Variants in RNF214 observed in about 807,000 individuals in gnomAD.
The protein encoded by RNF214 is ring finger protein 214.
A neutral mutation model predicts 75.9 loss-of-function variants in RNF214; 25 were observed. The observed-to-expected ratio is 0.33, with a 90% confidence interval of 0.24 to 0.46. RNF214 has a LOEUF of 0.46. Ranked by LOEUF, RNF214 falls within the 20% of genes least tolerant of loss-of-function variation. RNF214 has a pLI of 1.00. For synonymous variants in RNF214, 314 were observed against 308.8 expected (o/e 1.02, Z -0.18); for missense variants, 725 against 857.5 (o/e 0.85, Z 1.93).
At chr11:117,262,291 G>T (rs549217066) in intron 6 of RNF214, among the ~76,000 whole-genome samples, 164 of 152,122 alleles carry the variant, frequency 1.1e-3, no homozygotes, top group African/African-American at 3.0e-3. Flanking sequence ...GTTTCACCAT[G>T]TTGGCCAGGA....
rs564361697 is a variant in RNF214, at chr11:117,272,093, A to G, written c.960-7815A>G. The stretch of plus-strand genomic sequence containing the variant: ...CCTTCCAAAGTGCTGGTAGCCAGGC[A>G]TGGTGGTATATGCCTGTAGCTACTT... On this transcript the variant is annotated intron_variant, in intron 6 of 14. Coordinates refer to ENST00000300650, the MANE Select transcript of RNF214 (RefSeq NM_207343.4). Among the ~76,000 whole-genome samples, 12 of 152,294 alleles carry G rather than the reference A, an allele frequency of 7.9e-5. No individual in the cohort carries two copies. The South Asian group carries it at 2.3e-3, about 29-fold the overall frequency.
intron 6 of RNF214, among the ~76,000 whole-genome samples, chr11:117,255,318 T>C (rs1348314299): frequency 6.6e-6 from 1 of 152,258 alleles, no homozygotes; most frequent in East Asian, 1.9e-4. Flanking sequence ...TGCATCCCAC[T>C]CCCTTTTGCT....
At chr11:117,235,386 C>T (rs1252473180) in intron 2 of RNF214, among the ~76,000 whole-genome samples, 3 of 151,666 alleles carry the variant, frequency 2.0e-5, no homozygotes, top group East Asian at 1.9e-4. Context: ...TTAGTAGAAA[C>T]GGGGTTTCAC....
At chr11:117,248,513 G>C (rs74388017) in intron 6 of RNF214, among the ~76,000 whole-genome samples, 1 of 152,178 alleles carries the variant, frequency 6.6e-6, no homozygotes, top group Admixed American at 6.5e-5. Context: ...TCAGACTGCT[G>C]AGTTAGCAAG....
At chr11:117,272,357 G>T (rs2033929432) in intron 6 of RNF214, among the ~76,000 whole-genome samples, 1 of 152,148 alleles carries the variant, frequency 6.6e-6, no homozygotes, top group South Asian at 2.1e-4. Flanking sequence ...AACACCGCAT[G>T]TTCTTACTCA....
intron 4 of RNF214, among the ~76,000 whole-genome samples, chr11:117,243,215 C>T (rs2033128347): frequency 1.3e-5 from 2 of 152,230 alleles, no homozygotes; most frequent in African/African-American, 4.8e-5. Context: ...GGCACAGTCT[C>T]TGCTCACTGC....
At chr11:117,267,293 C>T (rs1301404181) in intron 6 of RNF214, among the ~76,000 whole-genome samples, 1 of 152,076 alleles carries the variant, frequency 6.6e-6, no homozygotes, top group Non-Finnish European at 1.5e-5. Flanking sequence ...TATTTTGTGG[C>T]CCAAGAAATC....
intron 4 of RNF214, among the ~76,000 whole-genome samples, chr11:117,242,595 G>A (rs1274123583): frequency 6.6e-6 from 1 of 152,212 alleles, no homozygotes; most frequent in Non-Finnish European, 1.5e-5. Flanking sequence ...GCTCACACCT[G>A]TAATCTCAGC....
At chr11:117,243,246 A>G (rs1043871146) in intron 4 of RNF214, among the ~76,000 whole-genome samples, 1 of 152,232 alleles carries the variant, frequency 6.6e-6, no homozygotes, top group South Asian at 2.1e-4. Flanking sequence ...TACCAGGTTC[A>G]AGTGATTCTC....
At chr11:117,280,300 TTTGTTTG>T in intron 8 of RNF214, 41 bp downstream of exon 8, 1 of 1,205,120 alleles carries the variant, frequency 8.3e-7, no homozygotes, top group South Asian at 1.3e-5. Flanking sequence ...TGTTTTGCAG[TTTGTTTG>T]TTTGTTTGTT....
intron 2 of RNF214, among the ~76,000 whole-genome samples, chr11:117,236,118 G>A (rs1325865528): frequency 1.3e-5 from 2 of 150,482 alleles, no homozygotes; most frequent in African/African-American, 2.5e-5. Context: ...CTGCTTGGTA[G>A]CCCGGCTAAT....
chr11:117,284,512 C>G (rs1320504533), intron 14 of RNF214, among the ~76,000 whole-genome samples: 1 of 152,156 alleles, frequency 6.6e-6, no homozygotes, highest in Non-Finnish European at 1.5e-5. Context: ...GGGGAGCAAG[C>G]CACACTAGAC....
intron 6 of RNF214, among the ~76,000 whole-genome samples, chr11:117,277,360 T>C (rs2034033880): frequency 6.6e-6 from 1 of 152,116 alleles, no homozygotes; most frequent in Non-Finnish European, 1.5e-5. Flanking sequence ...ATGTGTTCTC[T>C]GCTAGGAAGT....
chr11:117,262,240 C>T (rs1264939425), intron 6 of RNF214, among the ~76,000 whole-genome samples: 1 of 151,944 alleles, frequency 6.6e-6, no homozygotes, highest in African/African-American at 2.4e-5. Flanking sequence ...GCACCCGCCA[C>T]CACGCCCGGC....
At position 117,239,082 on chromosome 11, in the gene RNF214, C is replaced by G. The variant is rs934212007; in HGVS notation, c.589C>G (p.Leu197Val). The G allele has an allele frequency of 1.2e-6, 2 of 1,613,102 alleles. No homozygotes were observed. The highest frequency in any genetic ancestry group is 1.7e-6 in the Non-Finnish European group (2 of 1,179,630). Residue 197 changes from leucine to valine, a missense_variant, in exon 3 of 15, where the codon CTG (leucine) becomes GTG (valine). Leu to Val is a conservative substitution (Grantham distance 32, BLOSUM62 1). Around this residue, in one of 2 missense-constraint regions of RNF214, gnomAD observed 362 missense variants for 344.5 expected, o/e 1.05. Transcript: ENST00000300650. ...DQDDDQDSSS[L>V]KLSQNIAVQT... Reference sequence around the variant, plus strand: ...GGATGATGATCAAGATAGCTCTTCCCTGAAGCTTTCTCAGAACATTGCTGT... The same window carrying G: ...GGATGATGATCAAGATAGCTCTTCCGTGAAGCTTTCTCAGAACATTGCTGT...
chr11:117,240,829 G>A (rs2033058967), intron 4 of RNF214, among the ~76,000 whole-genome samples: 1 of 151,932 alleles, frequency 6.6e-6, no homozygotes, highest in African/African-American at 2.4e-5. Context: ...ATCACCTGAG[G>A]TCAGGAGTTT....
chr11:117,267,213 AGT>A lies in RNF214; in HGVS notation c.960-12692_960-12691del, dbSNP rs138150291. Among the ~76,000 whole-genome samples the A allele has an allele frequency of 5.2e-3, 788 of 152,176 alleles. 5 individuals are homozygous for A. The highest frequency in any genetic ancestry group is 0.018 in the African/African-American group (736 of 41,508). On this transcript the variant is annotated intron_variant, in intron 6 of 14. Transcript: ENST00000300650. ...TGGCTTGCCCTTGCATTTTTGTAAC[AGT>A]GTCTTTTGAAGCACAAAAGGCAAAA...
In RNF214 at chr11:117,285,237, A is replaced by G. The variant is rs1272281580; in HGVS notation, c.*86A>G. The G allele has an allele frequency of 1.4e-5, 12 of 874,838 alleles. No individual in the cohort carries two copies. The highest frequency in any genetic ancestry group is 2.3e-5 in the Non-Finnish European group (12 of 513,120). 54.2% of individuals were successfully genotyped at this position (874,838 alleles called of 1,614,324 possible). A position where few individuals can be genotyped will look rare whatever the true frequency, so the allele number is the denominator to read the frequency against. ...GATTTCTAAAACTCTATATTTATAC[A>G]GTGACATATACTCATGCCATGTACA... On this transcript the variant is annotated 3_prime_UTR_variant, in exon 15 of 15. Coordinates refer to ENST00000300650, the MANE Select transcript of RNF214 (RefSeq NM_207343.4).
In RNF214 at chr11:117,264,989, AC is replaced by A. The variant is rs1231265617; in HGVS notation, c.960-14916del. On this transcript the variant is annotated intron_variant, in intron 6 of 14. Transcript: ENST00000300650. Reference sequence around the variant, plus strand: ...AGGCTGAGGCAGGAGAATTGCTTAAACCCAGGAGGCGGAGGTTGCAGTGAGC... The same window carrying A: ...AGGCTGAGGCAGGAGAATTGCTTAAACCAGGAGGCGGAGGTTGCAGTGAGC... Among the ~76,000 whole-genome samples, 4 of 151,144 alleles carry A rather than the reference AC, an allele frequency of 2.6e-5. No homozygotes were observed. In the East Asian group the frequency reaches 7.8e-4, roughly 29 times the overall value.
Sources: allele counts gnomAD v4.1 joint callset (sites outside exome capture counted in the v4.1 genomes callset), GRCh38; gene constraint gnomAD v4.1.1; regional missense constraint gnomAD v4.1.1; transcripts MANE v1.5; gene names NCBI Gene and HGNC (gene_info 2026-07-23, HGNC 2026-07-21).